The following RADIL variants were observed in gnomAD, a reference collection of about 807,000 sequenced individuals.
RADIL encodes the protein Rap associating with DIL domain, also known as ras-associating and dilute domain-containing protein.
RADIL carries 99 observed loss-of-function variants against 97.6 expected under a neutral mutation model. That is an observed-to-expected ratio of 1.01 (90% CI 0.86 to 1.20). The LOEUF (loss-of-function observed/expected upper bound fraction) is 1.20. Among genes scored for constraint, RADIL ranks in the 50% most tolerant of loss-of-function variants. RADIL has a pLI of 0.00. For missense variants in RADIL, 1,765 were observed against 1,498.9 expected (o/e 1.18, Z -2.93); for synonymous variants, 803 against 691.8 (o/e 1.16, Z -2.52).
At chr7:4,838,792 C>T (rs75993702) in intron 2 of RADIL, among the ~76,000 whole-genome samples, 4,636 of 152,328 alleles carry the variant, frequency 0.03, 251 homozygotes, top group African/African-American at 0.1. Context: ...CCTCTGAGTG[C>T]AGGTGTGGGG....
rs553919053 is a variant in RADIL at position 4,818,328 on chromosome 7, C to T, written c.1616-977G>A. Among the ~76,000 whole-genome samples, 12 of 152,336 alleles carry T rather than the reference C, an allele frequency of 7.9e-5. 1 individual carries two copies. Among genetic ancestry groups the T allele is most frequent in the African/African-American group, 2.4e-4 (10 of 41,592 alleles). ...CTGCCGGGCAGACTGCACCGGAGGCCGGCCCACTCATGGCCAGGACAATGG... is the reference window on the plus strand; with the variant it reads ...CTGCCGGGCAGACTGCACCGGAGGCTGGCCCACTCATGGCCAGGACAATGG... On this transcript the variant is annotated intron_variant, in intron 6 of 14. Transcript: ENST00000399583. The surrounding 1 kb of genome is among the most constrained non-coding windows in gnomAD (Gnocchi z 7.1).
rs190827229 is a variant in RADIL, at chr7:4,847,945, C to T, written c.536-11340G>A. Among the ~76,000 whole-genome samples, 447 of 152,224 alleles carry T rather than the reference C, an allele frequency of 2.9e-3. 4 individuals are homozygous for T. Among genetic ancestry groups the T allele is most frequent in the African/African-American group, 0.01 (428 of 41,522 alleles). ...GTGCAGTGGCTCTCGCCTGTAATCCCAGCACTTAGGGAGGCCGCAGCAGGC... is the reference window on the plus strand; with the variant it reads ...GTGCAGTGGCTCTCGCCTGTAATCCTAGCACTTAGGGAGGCCGCAGCAGGC... On this transcript the variant is annotated intron_variant, in intron 2 of 14. Transcript: ENST00000399583.
At chr7:4,860,459 T>G (rs1357900534) in intron 2 of RADIL, 5 of 1,614,214 alleles carry the variant, frequency 3.1e-6, no homozygotes, top group Non-Finnish European at 1.7e-6. Context: ...GCTGAGAATT[T>G]CAGAATTATC....
At chr7:4,861,611 T>G (rs1446387560) in intron 2 of RADIL, 1 of 1,612,132 alleles carries the variant, frequency 6.2e-7, no homozygotes, top group Non-Finnish European at 8.5e-7. Flanking sequence ...ATTTAATTTT[T>G]CCAAAACTAA....
chr7:4,875,056 G>T (rs1376010737), intron 2 of RADIL, among the ~76,000 whole-genome samples: 1 of 147,476 alleles, frequency 6.8e-6, no homozygotes, highest in Non-Finnish European at 1.5e-5. Flanking sequence ...GCCGGGCGTG[G>T]TGGCGGGCGC....
At chr7:4,848,694 T>C (rs1205972548) in intron 2 of RADIL, among the ~76,000 whole-genome samples, 1 of 152,034 alleles carries the variant, frequency 6.6e-6, no homozygotes, top group African/African-American at 2.4e-5. Context: ...AAAAAAAACA[T>C]GGCTCTATTG....
rs1228113080 is a variant in RADIL at position 4,865,965 on chromosome 7, A to G, written c.535+11640T>C. Among the ~76,000 whole-genome samples, 7 of 152,216 alleles carry G rather than the reference A, an allele frequency of 4.6e-5. No individual in the cohort carries two copies. In the East Asian group the frequency reaches 1.3e-3, roughly 29 times the overall value. The stretch of plus-strand genomic sequence containing the variant: ...ACCTAGGAGCAATAGGCTATGCCAT[A>G]TAACCTAGGTGTGTAGTAAACTATA... On this transcript the variant is annotated intron_variant, in intron 2 of 14. Transcript: ENST00000399583.
intron 10 of RADIL, among the ~76,000 whole-genome samples, chr7:4,804,648 A>G (rs771852294): frequency 3.3e-5 from 5 of 152,120 alleles, no homozygotes; most frequent in African/African-American, 9.7e-5. Flanking sequence ...TTAGCCAGGC[A>G]TGGTGGCACA....
At position 4,822,011 on chromosome 7, in the gene RADIL, C is replaced by G. The variant is rs1164194166; in HGVS notation, c.1615+383G>C. Among the ~76,000 whole-genome samples, 2 of 152,130 alleles carry G rather than the reference C, an allele frequency of 1.3e-5. No individual in the cohort carries two copies. The highest frequency in any genetic ancestry group is 2.9e-5 in the Non-Finnish European group (2 of 68,018). On this transcript the variant is annotated intron_variant, in intron 6 of 14. Transcript: ENST00000399583. This position sits in a 1 kb window ranked among gnomAD's most constrained non-coding sequence, Gnocchi z 5.3. ...GCGGCGGTCTCATGGCCGACGCTCTCTCTACCGCCCCTTACATTTGGTTCA... is the reference window on the plus strand; with the variant it reads ...GCGGCGGTCTCATGGCCGACGCTCTGTCTACCGCCCCTTACATTTGGTTCA...
intron 9 of RADIL, among the ~76,000 whole-genome samples, chr7:4,811,877 C>T (rs1215335752): frequency 1.4e-5 from 2 of 147,118 alleles, no homozygotes; most frequent in East Asian, 4.0e-4. Flanking sequence ...AATTTAATTT[C>T]TTTTTTTTTT....
chr7:4,840,020 A>G lies in RADIL; in HGVS notation c.536-3415T>C, dbSNP rs1783402067. Among the ~76,000 whole-genome samples the G allele has an allele frequency of 6.6e-6, 1 of 152,216 alleles. No homozygotes were observed. Among genetic ancestry groups the G allele is most frequent in the Non-Finnish European group, 1.5e-5 (1 of 68,038 alleles). ...CACCTCGGCCTCCCAAAGTGTTGGA[A>G]TTACAGGCGTGAGCCACCGCGCCCA... On this transcript the variant is annotated intron_variant, in intron 2 of 14. Coordinates refer to ENST00000399583, the MANE Select transcript of RADIL (RefSeq NM_018059.5). The surrounding 1 kb of genome is among the most constrained non-coding windows in gnomAD (Gnocchi z 5.6).
intron 9 of RADIL, among the ~76,000 whole-genome samples, chr7:4,811,470 GTAT>G (rs1262228280): frequency 6.9e-6 from 1 of 144,492 alleles, no homozygotes; most frequent in Non-Finnish European, 1.5e-5. Flanking sequence ...GGTACTGATG[GTAT>G]TATTTCTTTT....
chr7:4,857,511 C>T (rs978154603), intron 2 of RADIL, among the ~76,000 whole-genome samples: 35 of 152,088 alleles, frequency 2.3e-4, no homozygotes, highest in African/African-American at 8.0e-4. Context: ...ATGCTTTCCC[C>T]CTTTCTTTCC....
rs896563537 is a variant in RADIL at position 4,817,143 on chromosome 7, C to A, written c.1728+96G>T. 3.7e-5 allele frequency: 41 copies of A among 1,093,560 alleles called. No homozygotes were observed. Among genetic ancestry groups the A allele is most frequent in the Non-Finnish European group, 5.2e-5 (39 of 747,234 alleles). 67.7% of individuals were successfully genotyped at this position (1,093,560 alleles called of 1,614,324 possible). The stretch of plus-strand genomic sequence containing the variant: ...CTTGTCACGGTCCCCTCCCTCAGCC[C>A]CCCAGAAGGCTCCTTAGGAGAGCCA... On this transcript the variant is annotated intron_variant, in intron 7 of 14. Coordinates refer to ENST00000399583, the MANE Select transcript of RADIL (RefSeq NM_018059.5). The surrounding 1 kb of genome is among the most constrained non-coding windows in gnomAD (Gnocchi z 8.3).
chr7:4,853,855 T>C (rs910009430), intron 2 of RADIL, among the ~76,000 whole-genome samples: 3 of 152,170 alleles, frequency 2.0e-5, no homozygotes, highest in Non-Finnish European at 4.4e-5. Flanking sequence ...TGCCATTTAC[T>C]AGACATTCTC....
At chr7:4,845,079 T>C (rs1284059301) in intron 2 of RADIL, among the ~76,000 whole-genome samples, 1 of 151,430 alleles carries the variant, frequency 6.6e-6, no homozygotes, top group Non-Finnish European at 1.5e-5. Flanking sequence ...AGGTGTCCTG[T>C]ATATGAAAAT....
intron 4 of RADIL, among the ~76,000 whole-genome samples, chr7:4,832,730 C>T (rs1254584856): frequency 2.2e-5 from 3 of 136,528 alleles, no homozygotes; most frequent in Admixed American, 7.9e-5. Flanking sequence ...CAGAGCGAGA[C>T]TCCGTCTCAG....
In RADIL at chr7:4,840,320, C is replaced by A. The variant is rs923397631; in HGVS notation, c.536-3715G>T. The stretch of plus-strand genomic sequence containing the variant: ...GTCTCAGCTCTGTGCAGACCCAGGG[C>A]GGATCTGCCTCAACTGGGACAGAAA... On this transcript the variant is annotated intron_variant, in intron 2 of 14. Coordinates refer to ENST00000399583, the MANE Select transcript of RADIL (RefSeq NM_018059.5). The surrounding 1 kb of genome is among the most constrained non-coding windows in gnomAD (Gnocchi z 5.6). Among the ~76,000 whole-genome samples, 1 of 152,196 alleles carries A rather than the reference C, an allele frequency of 6.6e-6. No homozygotes were observed. The highest frequency in any genetic ancestry group is 2.4e-5 in the African/African-American group (1 of 41,450).
chr7:4,807,215 C>T (rs140569524), intron 9 of RADIL, among the ~76,000 whole-genome samples: 3 of 152,134 alleles, frequency 2.0e-5, no homozygotes, highest in South Asian at 2.1e-4. Context: ...CAGATGTCCA[C>T]GCTGAAGGAT....
Sources: gnomAD v4.1 joint callset for allele counts (sites outside exome capture counted in the v4.1 genomes callset) on GRCh38, gnomAD v4.1.1 for gene constraint, Gnocchi (gnomAD v3.1) non-coding constraint, MANE v1.5 for transcripts, NCBI Gene and HGNC (gene_info 2026-07-23, HGNC 2026-07-21) for gene names.